The following PTPRD variants were observed in gnomAD, a reference collection of about 807,000 sequenced individuals.
The protein encoded by PTPRD is protein tyrosine phosphatase receptor type D.
A neutral mutation model predicts 214.5 loss-of-function variants in PTPRD; 34 were observed. That is an observed-to-expected ratio of 0.16 (90% CI 0.12 to 0.21). The LOEUF (loss-of-function observed/expected upper bound fraction) is 0.21. PTPRD is among the 10% of genes least tolerant of loss of function. PTPRD has a pLI of 1.00. For missense variants in PTPRD, 2,545 were observed against 2,398.7 expected (o/e 1.06, Z -1.27); for synonymous variants, 1,128 against 845.7 (o/e 1.33, Z -5.79).
chr9:8,574,169 G>C (rs1168638225), intron 14 of PTPRD, among the ~76,000 whole-genome samples: 1 of 151,890 alleles, frequency 6.6e-6, no homozygotes, highest in Non-Finnish European at 1.5e-5. Context: ...ATTGAAACAT[G>C]TCTTAATTCA....
chr9:9,220,502 T>C (rs1245503514), intron 9 of PTPRD, among the ~76,000 whole-genome samples: 1 of 152,074 alleles, frequency 6.6e-6, no homozygotes, highest in Non-Finnish European at 1.5e-5. Context: ...GGATATATTC[T>C]TTGTAAAACT....
chr9:8,961,933 C>T (rs1182848768), intron 11 of PTPRD, among the ~76,000 whole-genome samples: 1 of 151,942 alleles, frequency 6.6e-6, no homozygotes, highest in Non-Finnish European at 1.5e-5. Context: ...TATTCTGCAG[C>T]AATAATTATA....
Position 9,404,753 on chromosome 9 carries a change from C to G in PTPRD, c.-236-7271G>C, listed in dbSNP as rs555345180. Among the ~76,000 whole-genome samples, 205 of 152,062 alleles carry G rather than the reference C, an allele frequency of 1.3e-3. 2 individuals carry two copies. Among genetic ancestry groups the G allele is most frequent in the African/African-American group, 4.7e-3 (197 of 41,494 alleles). On this transcript the variant is annotated intron_variant, in intron 8 of 45. Coordinates refer to ENST00000381196, the MANE Select transcript of PTPRD (RefSeq NM_002839.4). ...TTATCACAGAGAACATGTATGAAGT[C>G]AAGGGAATTGGAGAGTACATAGGTA...
intron 5 of PTPRD, among the ~76,000 whole-genome samples, chr9:9,924,814 T>C (rs537668680): frequency 1.8e-4 from 28 of 152,100 alleles, no homozygotes; most frequent in South Asian, 4.1e-4. Flanking sequence ...AGTACAAGGA[T>C]AGGCATACCA....
chr9:10,276,821 G>C (rs919946415), intron 3 of PTPRD, among the ~76,000 whole-genome samples: 1 of 152,156 alleles, frequency 6.6e-6, no homozygotes, highest in Non-Finnish European at 1.5e-5. Context: ...GGTGAGAAAA[G>C]CCAACCCAAA....
intron 11 of PTPRD, among the ~76,000 whole-genome samples, chr9:8,815,665 T>C (rs577195655): frequency 6.6e-5 from 10 of 152,284 alleles, no homozygotes; most frequent in South Asian, 2.1e-4. Flanking sequence ...GGGTTTTTTT[T>C]CCCTCATCTC....
intron 11 of PTPRD, among the ~76,000 whole-genome samples, chr9:8,786,387 G>T (rs906436847): frequency 6.8e-6 from 1 of 147,658 alleles, no homozygotes; most frequent in African/African-American, 2.5e-5. Context: ...GACAAAAAAG[G>T]AAAAGTTTGG....
intron 8 of PTPRD, among the ~76,000 whole-genome samples, chr9:9,430,751 C>G (rs1470955641): frequency 6.6e-6 from 1 of 152,066 alleles, no homozygotes; most frequent in Non-Finnish European, 1.5e-5. Flanking sequence ...TAATACCACA[C>G]ATCTACAACC....
At chr9:8,790,182 T>C (rs1355173828) in intron 11 of PTPRD, among the ~76,000 whole-genome samples, 1 of 151,376 alleles carries the variant, frequency 6.6e-6, no homozygotes. Context: ...ATGCCTAATA[T>C]TTTTTTTATT....
intron 4 of PTPRD, among the ~76,000 whole-genome samples, chr9:9,981,468 C>A (rs1327512395): frequency 1.3e-5 from 2 of 151,630 alleles, no homozygotes. Flanking sequence ...CATTCTCCTG[C>A]CTGAGCCTCC....
At chr9:8,372,405 A>G (rs1250913108) in intron 39 of PTPRD, among the ~76,000 whole-genome samples, 1 of 152,012 alleles carries the variant, frequency 6.6e-6, no homozygotes, top group African/African-American at 2.4e-5. Flanking sequence ...ATATGTATCT[A>G]TTTTATGTCA....
chr9:9,988,571 C>T (rs567899522), intron 4 of PTPRD, among the ~76,000 whole-genome samples: 1 of 152,114 alleles, frequency 6.6e-6, no homozygotes, highest in South Asian at 2.1e-4. Context: ...AATCTGTCAA[C>T]CATAAATGTA....
At chr9:9,967,149 A>G (rs1424966318) in intron 4 of PTPRD, among the ~76,000 whole-genome samples, 2 of 152,164 alleles carry the variant, frequency 1.3e-5, no homozygotes, top group East Asian at 3.9e-4. Context: ...ATGCCTTATT[A>G]TCTGCACATT....
intron 2 of PTPRD, among the ~76,000 whole-genome samples, chr9:10,446,248 A>C (rs1163870908): frequency 2.0e-5 from 3 of 152,002 alleles, no homozygotes; most frequent in Non-Finnish European, 4.4e-5. Context: ...TGTTTTTAAA[A>C]ATATGTTGAG....
intron 12 of PTPRD, among the ~76,000 whole-genome samples, chr9:8,679,849 G>A (rs560273439): frequency 2.0e-5 from 3 of 152,128 alleles, no homozygotes; most frequent in Admixed American, 2.0e-4. Context: ...TATGGCATTT[G>A]TGCCTTACAA....
chr9:9,282,831 A>G (rs1356720977), intron 9 of PTPRD, among the ~76,000 whole-genome samples: 4 of 151,530 alleles, frequency 2.6e-5, no homozygotes, highest in Non-Finnish European at 5.9e-5. Flanking sequence ...ATTAAGTGGC[A>G]TACAAATTCA....
chr9:9,754,354 A>G (rs185880835), intron 6 of PTPRD, among the ~76,000 whole-genome samples: 98 of 152,154 alleles, frequency 6.4e-4, no homozygotes, highest in Non-Finnish European at 1.1e-3. Context: ...AATAAATGCA[A>G]TGGGATTTGT....
intron 11 of PTPRD, among the ~76,000 whole-genome samples, chr9:8,800,819 A>AT (rs1365638966): frequency 5.9e-5 from 9 of 152,190 alleles, no homozygotes; most frequent in Non-Finnish European, 1.3e-4. Flanking sequence ...TGGGGTCTGG[A>AT]TTGGGACCCC....
At chr9:9,896,481 A>T (rs1222417679) in intron 5 of PTPRD, among the ~76,000 whole-genome samples, 2 of 152,092 alleles carry the variant, frequency 1.3e-5, no homozygotes, top group Non-Finnish European at 2.9e-5. Flanking sequence ...TTATTAGCAT[A>T]ACTTCTGGGA....
Sources: gnomAD v4.1 joint callset for allele counts (sites outside exome capture counted in the v4.1 genomes callset) on GRCh38, gnomAD v4.1.1 for gene constraint, MANE v1.5 for transcripts, NCBI Gene and HGNC (gene_info 2026-07-23, HGNC 2026-07-21) for gene names.